Variants in LOC128125817 observed in about 807,000 individuals in gnomAD.
chr1:41,585,572 G>C, the LOC128125817 span, among the ~76,000 whole-genome samples: 1 of 152,146 alleles, frequency 6.6e-6, no homozygotes, highest in Non-Finnish European at 1.5e-5. Flanking sequence ...TGAGGACTGT[G>C]GCCATGTGGG....
the LOC128125817 span, among the ~76,000 whole-genome samples, chr1:41,603,851 A>G: frequency 6.6e-6 from 1 of 152,172 alleles, no homozygotes; most frequent in Admixed American, 6.5e-5. Context: ...TTTGGTCTAT[A>G]GTGTTGTTCG....
the LOC128125817 span, among the ~76,000 whole-genome samples, chr1:41,600,718 A>G: frequency 3.9e-5 from 6 of 152,204 alleles, no homozygotes; most frequent in African/African-American, 9.6e-5. Context: ...TAAAATAGCA[A>G]AAGATTTTAA....
the LOC128125817 span, among the ~76,000 whole-genome samples, chr1:41,628,041 A>C: frequency 0.63 from 95,386 of 152,068 alleles, 30,983 homozygotes; most frequent in African/African-American, 0.8. Flanking sequence ...ACCTGTACTG[A>C]AGCCTGAACA....
chr1:41,627,363 G>C, the LOC128125817 span, among the ~76,000 whole-genome samples: 4 of 152,216 alleles, frequency 2.6e-5, no homozygotes, highest in African/African-American at 9.6e-5. Flanking sequence ...ACCACTAAGA[G>C]TCGGGGCTGG....
At chr1:41,588,847 C>T in the LOC128125817 span, among the ~76,000 whole-genome samples, 4 of 152,070 alleles carry the variant, frequency 2.6e-5, no homozygotes, top group Admixed American at 2.6e-4. Flanking sequence ...TGGACTAGTG[C>T]TCTCTGCCAG....
chr1:41,619,018 C>T, the LOC128125817 span, among the ~76,000 whole-genome samples: 2 of 152,282 alleles, frequency 1.3e-5, no homozygotes, highest in East Asian at 3.9e-4. Flanking sequence ...TGCCCCCGCC[C>T]CCTCCAGGGC....
chr1:41,586,365 A>ATC, the LOC128125817 span, among the ~76,000 whole-genome samples: 1 of 152,318 alleles, frequency 6.6e-6, no homozygotes, highest in East Asian at 1.9e-4. Flanking sequence ...GACTTTGGAC[A>ATC]TCATGAAGAT....
chr1:41,589,577 G>T, the LOC128125817 span, among the ~76,000 whole-genome samples: 1 of 152,242 alleles, frequency 6.6e-6, no homozygotes, highest in South Asian at 2.1e-4. Flanking sequence ...CACCCCAGAG[G>T]ACATTTCCAG....
At chr1:41,591,846 A>C in the LOC128125817 span, among the ~76,000 whole-genome samples, 1 of 152,096 alleles carries the variant, frequency 6.6e-6, no homozygotes, top group Admixed American at 6.5e-5. Context: ...TTGCCATTTG[A>C]TTCTGGGAGA....
chr1:41,620,333 T>A, the LOC128125817 span, among the ~76,000 whole-genome samples: 1 of 152,346 alleles, frequency 6.6e-6, no homozygotes, highest in African/African-American at 2.4e-5. Context: ...TATTTACCCA[T>A]GACATAGTTT....
chr1:41,619,335 T>C, the LOC128125817 span, among the ~76,000 whole-genome samples: 4 of 152,264 alleles, frequency 2.6e-5, no homozygotes, highest in Non-Finnish European at 5.9e-5. Flanking sequence ...ATTCCTTTCC[T>C]GACTGCCACC....
the LOC128125817 span, among the ~76,000 whole-genome samples, chr1:41,616,354 T>A: frequency 1.3e-5 from 2 of 152,182 alleles, no homozygotes; most frequent in African/African-American, 4.8e-5. Flanking sequence ...AGGACGTGTC[T>A]TGGCATGTAT....
the LOC128125817 span, among the ~76,000 whole-genome samples, chr1:41,604,284 C>A: frequency 0.01 from 1,578 of 152,134 alleles, 30 homozygotes; most frequent in African/African-American, 0.036. Context: ...CAAATGCCAG[C>A]AACAAATAGA....
chr1:41,604,595 T>C, the LOC128125817 span, among the ~76,000 whole-genome samples: 1 of 152,150 alleles, frequency 6.6e-6, no homozygotes, highest in African/African-American at 2.4e-5. Flanking sequence ...CTGGTACCTC[T>C]CACCATGTAA....
the LOC128125817 span, among the ~76,000 whole-genome samples, chr1:41,620,224 T>C: frequency 6.6e-6 from 1 of 152,178 alleles, no homozygotes; most frequent in African/African-American, 2.4e-5. Flanking sequence ...CAGTTTCCAC[T>C]CGCTTTCCCA....
the LOC128125817 span, among the ~76,000 whole-genome samples, chr1:41,609,561 C>T: frequency 1.3e-5 from 2 of 152,250 alleles, no homozygotes; most frequent in African/African-American, 2.4e-5. Flanking sequence ...AAGGGTTCCA[C>T]CCCATCCTCT....
chr1:41,613,272 C>CA, the LOC128125817 span, among the ~76,000 whole-genome samples: 2 of 152,246 alleles, frequency 1.3e-5, no homozygotes, highest in African/African-American at 4.8e-5. Flanking sequence ...CCAGGCCACT[C>CA]ACAGCTCCCC....
At chr1:41,612,606 C>T in the LOC128125817 span, among the ~76,000 whole-genome samples, 1 of 152,196 alleles carries the variant, frequency 6.6e-6, no homozygotes, top group Non-Finnish European at 1.5e-5. Flanking sequence ...TCTGATTCTC[C>T]GTCCCATGGT....
the LOC128125817 span, among the ~76,000 whole-genome samples, chr1:41,606,237 C>T: frequency 5.3e-5 from 8 of 152,030 alleles, no homozygotes; most frequent in East Asian, 1.5e-3. Flanking sequence ...TTAGCATCTT[C>T]AAGTAATATA....
Sources: gnomAD v4.1 joint callset for allele counts (sites outside exome capture counted in the v4.1 genomes callset) on GRCh38, gnomAD v4.1.1 for gene constraint, MANE v1.5 for transcripts.